Variants in SCN2A observed in about 807,000 individuals in gnomAD.
The protein encoded by SCN2A is sodium channel protein type 2 subunit alpha.
SCN2A carries 20 observed loss-of-function variants against 188.7 expected under a neutral mutation model. The observed-to-expected ratio is 0.11, with a 90% CI of 0.07 to 0.15. SCN2A has a LOEUF of 0.15. SCN2A is among the 10% of genes least tolerant of loss of function. The pLI is 1.00. For synonymous variants in SCN2A, 804 were observed against 833.1 expected (o/e 0.97, Z 0.60); for missense variants, 1,278 against 2,445.0 (o/e 0.52, Z 10.07).
At chr2:165,383,389 T>C (rs1192438616) in intron 25 of SCN2A, among the ~76,000 whole-genome samples, 2 of 152,100 alleles carry the variant, frequency 1.3e-5, no homozygotes, top group Admixed American at 6.6e-5. Flanking sequence ...AAGGTCCTTA[T>C]GTAGGAGGGC....
chr2:165,344,436 T>G (rs1476156257), intron 15 of SCN2A, 119 bp from the exon 16 acceptor site: 4 of 625,722 alleles, frequency 6.4e-6, no homozygotes, highest in East Asian at 5.1e-5. Flanking sequence ...CCCTAAAACT[T>G]AAAGTATAAT....
At chr2:165,264,257 G>T (rs898771712) in intron 1 of SCN2A, among the ~76,000 whole-genome samples, 1 of 152,068 alleles carries the variant, frequency 6.6e-6, no homozygotes, top group Admixed American at 6.6e-5. Flanking sequence ...AATCCACTAT[G>T]ATCAAGTGGG....
intron 1 of SCN2A, among the ~76,000 whole-genome samples, chr2:165,257,727 G>A (rs1208015247): frequency 2.0e-5 from 3 of 152,024 alleles, no homozygotes; most frequent in Non-Finnish European, 4.4e-5. Context: ...TTATAGAGAT[G>A]GGTTTTCACC....
chr2:165,377,515 A>G, intron 22 of SCN2A, 82 bp from the exon 23 acceptor site: 1 of 1,250,854 alleles, frequency 8.0e-7, no homozygotes, highest in South Asian at 1.3e-5. Flanking sequence ...TACATGTCAA[A>G]TAGAATTTTG....
At chr2:165,249,875 A>G (rs904901564) in intron 1 of SCN2A, among the ~76,000 whole-genome samples, 1 of 152,088 alleles carries the variant, frequency 6.6e-6, no homozygotes, top group African/African-American at 2.4e-5. Flanking sequence ...ACTGAAAAAA[A>G]ATTCCACTGA....
At chr2:165,247,500 G>A (rs1403412977) in intron 1 of SCN2A, among the ~76,000 whole-genome samples, 1 of 152,032 alleles carries the variant, frequency 6.6e-6, no homozygotes, top group Non-Finnish European at 1.5e-5. Flanking sequence ...TGACCATCCA[G>A]CAATATTGGA....
At chr2:165,321,969 A>T (rs950189836) in intron 11 of SCN2A, among the ~76,000 whole-genome samples, 6 of 152,242 alleles carry the variant, frequency 3.9e-5, no homozygotes, top group African/African-American at 1.4e-4. Context: ...TAATAATTAC[A>T]TAAATCCAAT....
chr2:165,255,734 G>T (rs899508461), intron 1 of SCN2A, among the ~76,000 whole-genome samples: 3 of 152,128 alleles, frequency 2.0e-5, no homozygotes, highest in African/African-American at 7.2e-5. Flanking sequence ...TTTCTCAGCT[G>T]CTGGTAGATG....
chr2:165,291,576 T>TTC (rs1696202035), intron 1 of SCN2A, among the ~76,000 whole-genome samples: 12 of 62,452 alleles, frequency 1.9e-4, no homozygotes, highest in Admixed American at 5.9e-4. Context: ...TTCCTTCCTT[T>TTC]CTCTCTCTCT....
intron 18 of SCN2A, among the ~76,000 whole-genome samples, chr2:165,366,312 A>C (rs763135107): frequency 8.5e-5 from 13 of 152,198 alleles, no homozygotes; most frequent in Non-Finnish European, 1.8e-4. Context: ...CAATTTTTTG[A>C]CAATAGTAGA....
chr2:165,371,317 C>T lies in SCN2A; in HGVS notation c.3849+1018C>T, dbSNP rs983943688. The T allele has an allele frequency of 2.6e-5, 4 of 152,134 alleles. No individual in the cohort carries two copies. In the South Asian group the frequency reaches 8.3e-4, roughly 31 times the overall value. 9.4% of individuals were successfully genotyped at this position (152,134 alleles called of 1,614,324 possible). ...TATTATGATAGTATATGAAACTGAT[C>T]AACACTTTGCCTTAAATCAAATATG... On this transcript the variant is annotated intron_variant, in intron 20 of 26. Transcript: ENST00000375437.
At chr2:165,262,233 T>A (rs577239420) in intron 1 of SCN2A, among the ~76,000 whole-genome samples, 19 of 152,236 alleles carry the variant, frequency 1.2e-4, no homozygotes, top group South Asian at 8.3e-4. Flanking sequence ...TTTAAAAAAA[T>A]TTCAATAGGT....
At chr2:165,300,409 A>G (rs573200588) in intron 3 of SCN2A, among the ~76,000 whole-genome samples, 5 of 152,200 alleles carry the variant, frequency 3.3e-5, no homozygotes, top group African/African-American at 1.2e-4. Flanking sequence ...CAATAAACAA[A>G]TACGTCGATT....
intron 16 of SCN2A, among the ~76,000 whole-genome samples, chr2:165,353,337 C>T (rs1453259965): frequency 6.6e-6 from 1 of 151,914 alleles, no homozygotes; most frequent in Admixed American, 6.6e-5. Flanking sequence ...CTGATTTGTC[C>T]AGTTATCTAG....
chr2:165,342,595 G>A (rs1423053202), intron 15 of SCN2A, 126 bp downstream of exon 15: 1 of 1,011,416 alleles, frequency 9.9e-7, no homozygotes, highest in African/African-American at 1.6e-5. Context: ...AAACAAATTG[G>A]ATTGCCATAC....
In SCN2A at chr2:165,390,260, G is replaced by T. The variant is rs1290277620; in HGVS notation, c.*436G>T. 1.5e-5 allele frequency: 3 copies of T among 194,690 alleles called. No individual in the cohort carries two copies. Among genetic ancestry groups the T allele is most frequent in the South Asian group, 9.7e-5 (1 of 10,266 alleles). The allele number at this position is 194,690 out of a possible 1,614,324, so 12.1% of individuals were successfully genotyped here. A position where few individuals can be genotyped will look rare whatever the true frequency, so the allele number is the denominator to read the frequency against. On this transcript the variant is annotated 3_prime_UTR_variant, in exon 27 of 27. Transcript: ENST00000375437. ...TTATCACTTTTCTTTTTAATTCACA[G>T]GTTGTTTACTATTATATGTGACTAT...
In SCN2A at chr2:165,386,949, T is replaced by C; in HGVS notation, c.4755T>C (p.Leu1585=). Residue 1585 remains leucine, a synonymous_variant, in exon 26 of 27, where the codon CTT becomes CTC. Transcript: ENST00000375437. ...TGECVLKLIS[L]RYYYFTIGWN... is the part of the protein sequence containing the mutation. ...AATGTGTGCTGAAACTGATCTCTCTTCGTTACTACTATTTCACTATTGGAT... is the reference window on the plus strand; with the variant it reads ...AATGTGTGCTGAAACTGATCTCTCTCCGTTACTACTATTTCACTATTGGAT... 1 of 1,613,882 alleles carries C rather than the reference T, an allele frequency of 6.2e-7. No individual in the cohort carries two copies. Among genetic ancestry groups the C allele is most frequent in the Admixed American group, 1.7e-5 (1 of 60,000 alleles).
intron 13 of SCN2A, among the ~76,000 whole-genome samples, chr2:165,329,737 T>C (rs1297088253): frequency 6.6e-6 from 1 of 152,204 alleles, no homozygotes; most frequent in East Asian, 1.9e-4. Flanking sequence ...TTATTTACTG[T>C]AAATAATAAT....
At chr2:165,266,679 A>G (rs542450851) in intron 1 of SCN2A, 1 of 152,240 alleles carries the variant, frequency 6.6e-6, no homozygotes, top group African/African-American at 2.4e-5. Flanking sequence ...GGCTCTTGCA[A>G]TAGGCTTTTA....
Sources: allele counts gnomAD v4.1 joint callset (sites outside exome capture counted in the v4.1 genomes callset), GRCh38; gene constraint gnomAD v4.1.1; transcripts MANE v1.5; gene names NCBI Gene and HGNC (gene_info 2026-07-23, HGNC 2026-07-21).